Variants in FER observed in about 807,000 individuals in gnomAD.
FER encodes the protein FER tyrosine kinase.
Under a neutral mutation model 111.0 loss-of-function variants are expected in FER, and 63 were observed. The ratio of observed to expected loss-of-function variants is 0.57; its 90% CI spans 0.46 to 0.70. FER has a LOEUF of 0.70. FER is among the 30% of genes least tolerant of loss of function. The pLI is 0.00. For synonymous variants in FER, 327 were observed against 313.9 expected, an observed-to-expected ratio of 1.04 and a Z score of -0.44; for missense variants, 914 against 954.0, an observed-to-expected ratio of 0.96 and a Z score of 0.55.
chr5:109,195,462 C>G lies in FER; in HGVS notation c.*7887C>G, dbSNP rs1759674192. On this transcript the variant is annotated 3_prime_UTR_variant, in exon 20 of 20. Coordinates refer to ENST00000281092, the MANE Select transcript of FER (RefSeq NM_005246.4). ...GGCTTTAGTGTCAAAGAGATTGGTT[C>G]TACAAGGTTCATCTGATTTCCCATA... The G allele has an allele frequency of 6.6e-6, 1 of 152,154 alleles. No individual in the cohort carries two copies. Among genetic ancestry groups the G allele is most frequent in the Non-Finnish European group, 1.5e-5 (1 of 68,028 alleles). The allele number at this position is 152,154 out of a possible 1,614,324, so 9.4% of individuals were successfully genotyped here.
chr5:108,965,108 T>C (rs58729959), intron 13 of FER, among the ~76,000 whole-genome samples: 42,133 of 152,116 alleles, frequency 0.28, 6,356 homozygotes, highest in African/African-American at 0.41. Flanking sequence ...TTAATTGGCT[T>C]TTTTAAATCA....
intron 10 of FER, among the ~76,000 whole-genome samples, chr5:108,919,833 CTG>C (rs1209128856): frequency 1.3e-5 from 2 of 152,156 alleles, no homozygotes; most frequent in Non-Finnish European, 2.9e-5. Flanking sequence ...TTCAAATCCT[CTG>C]TGCTATTAAT....
At chr5:108,867,707 G>A (rs1257717459) in intron 5 of FER, 60 bp from the exon 6 acceptor site, 4 of 1,476,296 alleles carry the variant, frequency 2.7e-6, no homozygotes, top group Admixed American at 4.4e-5. Context: ...TGTATGTAGT[G>A]AAGATACAAT....
At chr5:108,879,697 A>ATATATATATATATATAT (rs1554084588) in intron 8 of FER, among the ~76,000 whole-genome samples, 19 of 96,022 alleles carry the variant, frequency 2.0e-4, no homozygotes, top group African/African-American at 9.2e-4. Flanking sequence ...TTAGATTAAA[A>ATATATATATATATATAT]AAAAATATAT....
At chr5:109,033,054 A>C (rs1769865867) in intron 13 of FER, among the ~76,000 whole-genome samples, 1 of 152,184 alleles carries the variant, frequency 6.6e-6, no homozygotes, top group Non-Finnish European at 1.5e-5. Flanking sequence ...TAACTCTGTC[A>C]ACTCTATTCA....
intron 16 of FER, among the ~76,000 whole-genome samples, chr5:109,076,943 G>A (rs1018593382): frequency 2.6e-5 from 4 of 152,166 alleles, no homozygotes; most frequent in African/African-American, 9.7e-5. Flanking sequence ...TGATAAGCCT[G>A]AGGCCCTATG....
At chr5:108,851,006 A>G (rs1762492896) in intron 5 of FER, among the ~76,000 whole-genome samples, 1 of 152,222 alleles carries the variant, frequency 6.6e-6, no homozygotes, top group Non-Finnish European at 1.5e-5. Flanking sequence ...CCTAAGTTTT[A>G]GAGTCTTAGT....
intron 13 of FER, among the ~76,000 whole-genome samples, chr5:108,964,952 C>T (rs879060401): frequency 3.3e-5 from 5 of 151,500 alleles, no homozygotes; most frequent in South Asian, 2.1e-4. Flanking sequence ...TGCTGTGTGT[C>T]GAACATTTGA....
rs1253263334 is a variant in FER at position 108,964,777 on chromosome 5, G to C, written c.1656+5430G>C. Among the ~76,000 whole-genome samples the C allele has an allele frequency of 2.0e-5, 3 of 152,156 alleles. No individual in the cohort carries two copies. In the East Asian group the frequency reaches 5.8e-4, roughly 29 times the overall value. On this transcript the variant is annotated intron_variant, in intron 13 of 19. Coordinates refer to ENST00000281092, the MANE Select transcript of FER (RefSeq NM_005246.4). ...TTTAATACTGGTAGTGAATTTCAAG[G>C]GAGTATATTTAGTAGAATAGGCCAT...
intron 5 of FER, among the ~76,000 whole-genome samples, chr5:108,849,256 T>C (rs2150181592): frequency 6.6e-6 from 1 of 152,298 alleles, no homozygotes; most frequent in Admixed American, 6.5e-5. Flanking sequence ...CCTTCTCTTT[T>C]TGCTTTCTTT....
chr5:109,064,760 A>G (rs920662562), intron 16 of FER, among the ~76,000 whole-genome samples: 1 of 152,156 alleles, frequency 6.6e-6, no homozygotes, highest in African/African-American at 2.4e-5. Flanking sequence ...CTGTTTTTTA[A>G]ATGACTTTCT....
chr5:108,799,614 G>T (rs1182204), intron 3 of FER, among the ~76,000 whole-genome samples: 151,992 of 152,348 alleles, frequency 1, 75,823 homozygotes, highest in East Asian at 1. Context: ...CATTAAAAAT[G>T]ATTTGTTATT....
chr5:108,912,841 G>A (rs1751748893), intron 10 of FER, among the ~76,000 whole-genome samples: 2 of 152,216 alleles, frequency 1.3e-5, no homozygotes. Flanking sequence ...GTTGGAGTAA[G>A]TAGCTATCAA....
chr5:109,179,864 G>A (rs745582549), intron 17 of FER, among the ~76,000 whole-genome samples: 1 of 152,118 alleles, frequency 6.6e-6, no homozygotes, highest in Non-Finnish European at 1.5e-5. Context: ...GATCCCAAGG[G>A]ATGGCTGTAT....
chr5:108,855,127 A>G (rs371092972), intron 5 of FER, among the ~76,000 whole-genome samples: 3 of 152,202 alleles, frequency 2.0e-5, no homozygotes, highest in African/African-American at 7.2e-5. Flanking sequence ...GTCTTATTAG[A>G]TACTCAAGTG....
chr5:109,087,887 C>G (rs940238376), intron 16 of FER, among the ~76,000 whole-genome samples: 2 of 151,812 alleles, frequency 1.3e-5, no homozygotes, highest in African/African-American at 2.4e-5. Context: ...ACCTGAATTT[C>G]TGTCCCAGGG....
chr5:108,990,435 T>C (rs1310803471), intron 13 of FER, among the ~76,000 whole-genome samples: 2 of 151,852 alleles, frequency 1.3e-5, no homozygotes, highest in Non-Finnish European at 3.0e-5. Flanking sequence ...ACAACTTGTA[T>C]CTCTATTGGT....
intron 1 of FER, among the ~76,000 whole-genome samples, chr5:108,754,417 A>G: frequency 6.6e-6 from 1 of 151,650 alleles, no homozygotes; most frequent in East Asian, 1.9e-4. Flanking sequence ...AAAAAAAAAA[A>G]AAAAAAAAAA....
At chr5:109,091,641 A>T (rs1746775265) in intron 16 of FER, among the ~76,000 whole-genome samples, 1 of 152,250 alleles carries the variant, frequency 6.6e-6, no homozygotes, top group Non-Finnish European at 1.5e-5. Context: ...CCCAGCCTCA[A>T]CCCTTGAGAG....
Sources: gnomAD v4.1 joint callset for allele counts (sites outside exome capture counted in the v4.1 genomes callset) on GRCh38, gnomAD v4.1.1 for gene constraint, MANE v1.5 for transcripts, NCBI Gene and HGNC (gene_info 2026-07-23, HGNC 2026-07-21) for gene names.